Variants in ABLIM3 observed in about 807,000 individuals in gnomAD.
ABLIM3 encodes actin binding LIM protein family member 3, also known as actin-binding LIM protein 3.
In ABLIM3, 61 loss-of-function variants were observed where a neutral mutation model predicts 109.5. That is an observed-to-expected ratio of 0.56 (90% CI 0.45 to 0.69). The LOEUF is 0.69. ABLIM3 is among the 30% of genes least tolerant of loss of function. The pLI is 0.00. For synonymous variants in ABLIM3, 300 were observed against 324.8 expected (o/e 0.92, Z 0.82); for missense variants, 796 against 889.5 (o/e 0.89, Z 1.34).
chr5:149,239,965 G>A lies in ABLIM3; in HGVS notation c.1204+77G>A, dbSNP rs188540052. ...AGTCACTTGGGGTCCCTGCTGCAGAGGGCACAAGGCTCCCCCATGATCTCC... is the reference window on the plus strand; with the variant it reads ...AGTCACTTGGGGTCCCTGCTGCAGAAGGCACAAGGCTCCCCCATGATCTCC... On this transcript the variant is annotated intron_variant, in intron 13 of 23. Coordinates refer to ENST00000309868, the MANE Select transcript of ABLIM3 (RefSeq NM_014945.5). 6 of 1,495,848 alleles carry A rather than the reference G, an allele frequency of 4.0e-6. No homozygotes were observed. In the African/African-American group the frequency reaches 7.2e-5, roughly 18 times the overall value. 92.7% of individuals were successfully genotyped at this position (1,495,848 alleles called of 1,614,324 possible).
chr5:149,251,574 C>T, intron 21 of ABLIM3, 155 bp downstream of exon 21: 1 of 868,380 alleles, frequency 1.2e-6, no homozygotes. Flanking sequence ...ACTTCCCACC[C>T]CCTCCCTTTT....
At chr5:149,187,623 A>C (rs904748634) in intron 3 of ABLIM3, among the ~76,000 whole-genome samples, 1 of 152,136 alleles carries the variant, frequency 6.6e-6, no homozygotes, top group Admixed American at 6.5e-5. Context: ...TTTGCCTTCT[A>C]CTTTTAAACT....
chr5:149,200,276 G>A, intron 4 of ABLIM3, 40 bp from the exon 5 acceptor site: 1 of 1,564,930 alleles, frequency 6.4e-7, no homozygotes, highest in South Asian at 1.1e-5. Context: ...GAATCCCTCA[G>A]AAGAGGGTGT....
In ABLIM3 at chr5:149,141,883, C is replaced by G. The variant is rs1253685465; in HGVS notation, c.-87-126C>G. Reference sequence around the variant, plus strand: ...TGCCGCCTCCTTCTCCTTGCTCTCACCTGCGCCTATTAGTCCACGCGCCTT... The same window carrying G: ...TGCCGCCTCCTTCTCCTTGCTCTCAGCTGCGCCTATTAGTCCACGCGCCTT... On this transcript the variant is annotated intron_variant, in intron 1 of 23. Coordinates refer to ENST00000309868, the MANE Select transcript of ABLIM3 (RefSeq NM_014945.5). 4 of 671,740 alleles carry G rather than the reference C, an allele frequency of 6.0e-6. No homozygotes were observed. The Admixed American group carries it at 8.0e-5, about 13-fold the overall frequency. The allele number at this position is 671,740 out of a possible 1,614,324, so 41.6% of individuals were successfully genotyped here. A position where few individuals can be genotyped will look rare whatever the true frequency, so the allele number is the denominator to read the frequency against.
Position 149,259,404 on chromosome 5 carries a change from T to C in ABLIM3, c.*1000T>C. The C allele has an allele frequency of 1.3e-6, 2 of 1,492,636 alleles. No individual in the cohort carries two copies. Among genetic ancestry groups the C allele is most frequent in the Non-Finnish European group, 1.8e-6 (2 of 1,124,204 alleles). 92.5% of individuals were successfully genotyped at this position (1,492,636 alleles called of 1,614,324 possible). A position where few individuals can be genotyped will look rare whatever the true frequency, so the allele number is the denominator to read the frequency against. ...AACTGAACAACCAGACAGACAACTC[T>C]CATCATCCTCCAGAGAGAAAATAGG... On this transcript the variant is annotated 3_prime_UTR_variant, in exon 24 of 24. Coordinates refer to ENST00000309868, the MANE Select transcript of ABLIM3 (RefSeq NM_014945.5).
At chr5:149,206,240 G>A (rs1190044846) in intron 5 of ABLIM3, among the ~76,000 whole-genome samples, 2 of 152,152 alleles carry the variant, frequency 1.3e-5, no homozygotes, top group East Asian at 3.9e-4. Flanking sequence ...CACATTCCAG[G>A]GTGACCGTGT....
rs374188105 is a variant in ABLIM3, at chr5:149,203,918, TA to T, written c.449-3087del. On this transcript the variant is annotated intron_variant, in intron 5 of 23. Transcript: ENST00000309868. ...TGAGAAAACTGAGACTCAGTGAGCA[TA>T]AATGACTTGCCCAAAGTCACCCAGA... 1.1e-4 allele frequency among the ~76,000 whole-genome samples: 16 copies of T among 152,356 alleles called. No individual in the cohort carries two copies. In the East Asian group the frequency reaches 2.3e-3, roughly 22 times the overall value.
chr5:149,165,749 T>C (rs1465792077), intron 2 of ABLIM3, among the ~76,000 whole-genome samples: 1 of 152,222 alleles, frequency 6.6e-6, no homozygotes, highest in Non-Finnish European at 1.5e-5. Flanking sequence ...TCACTACTCA[T>C]GTTTATTTCA....
intron 2 of ABLIM3, among the ~76,000 whole-genome samples, chr5:149,142,567 T>TA (rs1291766199): frequency 1.3e-5 from 2 of 152,102 alleles, no homozygotes; most frequent in African/African-American, 4.8e-5. Flanking sequence ...CGCAGTTTGA[T>TA]AAACAAATAA....
At chr5:149,194,227 A>G (rs1757752131) in intron 3 of ABLIM3, among the ~76,000 whole-genome samples, 1 of 152,222 alleles carries the variant, frequency 6.6e-6, no homozygotes, top group African/African-American at 2.4e-5. Flanking sequence ...CAAGTCTAAA[A>G]TGTAAAAAAT....
In ABLIM3 at chr5:149,229,773, G is replaced by A. The variant is rs115638756; in HGVS notation, c.758-876G>A. On this transcript the variant is annotated intron_variant, in intron 8 of 23. Coordinates refer to ENST00000309868, the MANE Select transcript of ABLIM3 (RefSeq NM_014945.5). Reference sequence around the variant, plus strand: ...AATCCAGGACACCTGTCCCTTCTTTGGGGAATGTGTCATATTTGGGGCTGC... The same window carrying A: ...AATCCAGGACACCTGTCCCTTCTTTAGGGAATGTGTCATATTTGGGGCTGC... Among the ~76,000 whole-genome samples the A allele has an allele frequency of 7.8e-3, 1,185 of 152,288 alleles. 16 individuals are homozygous for A. The highest frequency in any genetic ancestry group is 0.027 in the African/African-American group (1,137 of 41,538).
At chr5:149,146,663 C>T (rs1752955665) in intron 2 of ABLIM3, among the ~76,000 whole-genome samples, 1 of 152,118 alleles carries the variant, frequency 6.6e-6, no homozygotes, top group Admixed American at 6.6e-5. Flanking sequence ...TATTCTGTTC[C>T]ATTGGTCTAT....
At chr5:149,154,099 T>G (rs2127437502) in intron 2 of ABLIM3, among the ~76,000 whole-genome samples, 1 of 152,354 alleles carries the variant, frequency 6.6e-6, no homozygotes, top group South Asian at 2.1e-4. Context: ...ATGACACAGC[T>G]GATCTATTTT....
intron 20 of ABLIM3, 121 bp from the exon 21 acceptor site, chr5:149,251,238 A>G: frequency 9.8e-7 from 1 of 1,023,526 alleles, no homozygotes. Flanking sequence ...CTTGAGACAG[A>G]GGCTGCTGAG....
chr5:149,242,938 C>T (rs372109377), intron 15 of ABLIM3, among the ~76,000 whole-genome samples: 3 of 152,162 alleles, frequency 2.0e-5, no homozygotes, highest in Admixed American at 1.3e-4. Context: ...TTACTGAATT[C>T]GAATTCTGTA....
chr5:149,223,642 G>A (rs977819484), intron 8 of ABLIM3, among the ~76,000 whole-genome samples: 1 of 152,170 alleles, frequency 6.6e-6, no homozygotes, highest in African/African-American at 2.4e-5. Flanking sequence ...CAGACTGGCT[G>A]TCTCCATGCA....
chr5:149,233,663 G>A (rs1045520305), intron 10 of ABLIM3, among the ~76,000 whole-genome samples: 4 of 152,222 alleles, frequency 2.6e-5, no homozygotes, highest in Admixed American at 2.6e-4. Context: ...GATCAAAGTG[G>A]TATTCTGAAT....
At chr5:149,233,625 A>G (rs1393729426) in intron 10 of ABLIM3, among the ~76,000 whole-genome samples, 5 of 152,186 alleles carry the variant, frequency 3.3e-5, no homozygotes, top group African/African-American at 1.2e-4. Context: ...ATTTCCCACT[A>G]CTTAACTGAG....
intron 9 of ABLIM3, among the ~76,000 whole-genome samples, chr5:149,231,569 A>G (rs1188106230): frequency 6.6e-6 from 1 of 152,228 alleles, no homozygotes; most frequent in Non-Finnish European, 1.5e-5. Flanking sequence ...CTTCCTTGCT[A>G]TCTCATCCAC....
Sources: allele counts gnomAD v4.1 joint callset (sites outside exome capture counted in the v4.1 genomes callset), GRCh38; gene constraint gnomAD v4.1.1; transcripts MANE v1.5; gene names NCBI Gene and HGNC (gene_info 2026-07-23, HGNC 2026-07-21).